NDUFS7: variants seen among roughly 807,000 people sequenced by gnomAD.
NDUFS7 encodes the protein NADH dehydrogenase [ubiquinone] iron-sulfur protein 7, mitochondrial.
In NDUFS7, 11 loss-of-function variants were observed where a neutral mutation model predicts 31.1. That is an observed-to-expected ratio of 0.35 (90% CI 0.22 to 0.59). The LOEUF (loss-of-function observed/expected upper bound fraction) is 0.59, where lower values mean the gene tolerates loss of function less well. Ranked by LOEUF, NDUFS7 falls within the 20% of genes least tolerant of loss-of-function variation. The pLI, the probability that NDUFS7 is intolerant of heterozygous loss-of-function variation, is 0.79. For synonymous variants in NDUFS7, 136 were observed against 127.9 expected, an observed-to-expected ratio of 1.06 and a Z score of -0.43; for missense variants, 263 against 324.2, an observed-to-expected ratio of 0.81 and a Z score of 1.45.
intron 4 of NDUFS7, chr19:1,389,213 AC>A (rs1405862114): frequency 1.5e-6 from 1 of 680,986 alleles, no homozygotes; most frequent in Non-Finnish European, 2.7e-6. Context: ...ACGCTTGCAC[AC>A]ATACACACAT....
At chr19:1,389,368 T>C (rs904753336) in intron 4 of NDUFS7, 5 of 466,842 alleles carry the variant, frequency 1.1e-5, no homozygotes, top group African/African-American at 7.9e-5. Flanking sequence ...CACATGCATG[T>C]GTGCCTGTTG....
At chr19:1,394,554 G>A (rs2530165) in intron 7 of NDUFS7, 1 of 1,213,480 alleles carries the variant, frequency 8.2e-7, no homozygotes, top group Non-Finnish European at 1.0e-6. Flanking sequence ...TCCCTCCCTG[G>A]GGACCGCGCT....
chr19:1,394,964 G>C, intron 7 of NDUFS7: 1 of 1,117,618 alleles, frequency 8.9e-7, no homozygotes, highest in Non-Finnish European at 1.1e-6. Flanking sequence ...GGGATGCCCG[G>C]GCTCTGGGCC....
At position 1,393,543 on chromosome 19, in the gene NDUFS7, G is replaced by T; in HGVS notation, c.544+213G>T. 1 of 666,050 alleles carries T rather than the reference G, an allele frequency of 1.5e-6. No individual in the cohort carries two copies. Among genetic ancestry groups the T allele is most frequent in the Non-Finnish European group, 2.8e-6 (1 of 363,528 alleles). The allele number at this position is 666,050 out of a possible 1,614,324, so 41.3% of individuals were successfully genotyped here. A position where few individuals can be genotyped will look rare whatever the true frequency, so the allele number is the denominator to read the frequency against. On this transcript the variant is annotated intron_variant, in intron 7 of 7. Transcript: ENST00000233627. This position sits in a 1 kb window ranked among gnomAD's most constrained non-coding sequence, Gnocchi z 7.3. ...TCAGGCATCAGAGGGATCAGAGGGA[G>T]CAGGGGAAGCTGAGTGGAATTCCTG...
At position 1,393,197 on chromosome 19, in the gene NDUFS7, C is replaced by T. The variant is rs1475205127; in HGVS notation, c.456-45C>T. On this transcript the variant is annotated intron_variant, in intron 6 of 7. Transcript: ENST00000233627. This position sits in a 1 kb window ranked among gnomAD's most constrained non-coding sequence, Gnocchi z 7.3. ...CGAGGCCTCGTGGAGGGAGGGTGGG[C>T]AGGCGGGTCTTCGGCACACTCCCCT... is the stretch of plus-strand genomic sequence containing the variant. 5.4e-6 allele frequency: 8 copies of T among 1,482,340 alleles called. No homozygotes were observed. Among genetic ancestry groups the T allele is most frequent in the Non-Finnish European group, 7.3e-6 (8 of 1,091,024 alleles). The allele number at this position is 1,482,340 out of a possible 1,614,324, so 91.8% of individuals were successfully genotyped here. A position where few individuals can be genotyped will look rare whatever the true frequency, so the allele number is the denominator to read the frequency against.
rs2082492332 is a variant in NDUFS7 at position 1,384,133 on chromosome 19, T to G, written c.16+191T>G. On this transcript the variant is annotated intron_variant, in intron 1 of 7. Coordinates refer to ENST00000233627, the MANE Select transcript of NDUFS7 (RefSeq NM_024407.5). ...ACGGTCGCCGTTATTGCGTCCAGAG[T>G]ACAGTCGGGGAAACCGAGGCCCGGT... 8.0e-6 allele frequency: 5 copies of G among 628,342 alleles called. 1 individual carries two copies. In the South Asian group the frequency reaches 1.2e-4, roughly 15 times the overall value. The allele number at this position is 628,342 out of a possible 1,614,324, so 38.9% of individuals were successfully genotyped here. A position where few individuals can be genotyped will look rare whatever the true frequency, so the allele number is the denominator to read the frequency against.
At chr19:1,385,241 G>A (rs564814554) in intron 1 of NDUFS7, among the ~76,000 whole-genome samples, 2 of 152,328 alleles carry the variant, frequency 1.3e-5, no homozygotes, top group South Asian at 2.1e-4. Context: ...TGGCCCACGC[G>A]CGGTGGCTCA....
chr19:1,388,448 C>G (rs1007541897), intron 2 of NDUFS7, 77 bp from the exon 3 acceptor site: 1 of 1,330,870 alleles, frequency 7.5e-7, no homozygotes, highest in Non-Finnish European at 1.1e-6. Flanking sequence ...AGGGGAGAGG[C>G]AGGACAACAG....
At position 1,395,461 on chromosome 19, in the gene NDUFS7, G is replaced by A. The variant is rs1428175603; in HGVS notation, c.615G>A (p.Arg205=). The A allele has an allele frequency of 6.3e-7, 1 of 1,596,476 alleles. No individual in the cohort carries two copies. The highest frequency in any genetic ancestry group is 8.5e-7 in the Non-Finnish European group (1 of 1,173,582). Residue 205 remains arginine, a synonymous_variant, in exon 8 of 8, where the codon CGG becomes CGA. Coordinates refer to ENST00000233627, the MANE Select transcript of NDUFS7 (RefSeq NM_024407.5). ...TGCAGAGGAAGATCAAGCGGGAGCG[G>A]AGGCTGCAGATCTGGTACCGCAGGT... ...LQLQRKIKRE[R]RLQIWYRR is the part of the protein sequence containing the mutation.
At chr19:1,386,837 A>G (rs2082510462) in intron 1 of NDUFS7, 1 of 152,226 alleles carries the variant, frequency 6.6e-6, no homozygotes, top group Non-Finnish European at 1.5e-5. Context: ...AAAAGCAGTC[A>G]CATTCTGAGG....
At chr19:1,384,126 TC>T in intron 1 of NDUFS7, 184 bp downstream of exon 1, 1 of 651,492 alleles carries the variant, frequency 1.5e-6, no homozygotes, top group Non-Finnish European at 2.4e-6. Flanking sequence ...CGTTATTGCG[TC>T]CAGAGTACAG....
At chr19:1,388,164 C>T (rs1385323936) in intron 2 of NDUFS7, 2 of 589,154 alleles carry the variant, frequency 3.4e-6, no homozygotes, top group Non-Finnish European at 6.1e-6. Context: ...GGCAGGCCTC[C>T]TGCAGACCCA....
Position 1,387,798 on chromosome 19 carries a change from G to C in NDUFS7, c.17-13G>C. 1.9e-6 allele frequency: 3 copies of C among 1,611,298 alleles called. No homozygotes were observed. Among genetic ancestry groups the C allele is most frequent in the South Asian group, 1.1e-5 (1 of 91,046 alleles). On this transcript the variant is annotated splice_polypyrimidine_tract_variant and intron_variant, in intron 1 of 7. Coordinates refer to ENST00000233627, the MANE Select transcript of NDUFS7 (RefSeq NM_024407.5). Reference sequence around the variant, plus strand: ...CGCAGCTCACTGTTCCCACCCCGTGGTCCTCTCTGCAGCTCCTGGCCTGCG... The same window carrying C: ...CGCAGCTCACTGTTCCCACCCCGTGCTCCTCTCTGCAGCTCCTGGCCTGCG...
chr19:1,394,187 T>A, intron 7 of NDUFS7: 1 of 381,170 alleles, frequency 2.6e-6, no homozygotes, highest in Admixed American at 3.7e-5. Context: ...GAACAGGCTC[T>A]GACTTTGGAT....
intron 1 of NDUFS7, 109 bp downstream of exon 1, chr19:1,384,051 C>G: frequency 8.1e-7 from 1 of 1,234,508 alleles, no homozygotes; most frequent in Middle Eastern, 2.8e-4. Context: ...GGCCGCGGTC[C>G]TCTCCGGGCT....
At chr19:1,387,626 C>G (rs905374602) in intron 1 of NDUFS7, 185 bp from the exon 2 acceptor site, 5 of 642,506 alleles carry the variant, frequency 7.8e-6, no homozygotes, top group African/African-American at 1.8e-5. Flanking sequence ...CATGCAGTCT[C>G]AAGCAGGGGA....
chr19:1,386,016 G>A (rs2082505231), intron 1 of NDUFS7, among the ~76,000 whole-genome samples: 1 of 152,226 alleles, frequency 6.6e-6, no homozygotes, highest in Admixed American at 6.5e-5. Context: ...GCTGTGCCCA[G>A]CCTCAGGCAT....
At position 1,388,953 on chromosome 19, in the gene NDUFS7, C is replaced by A; in HGVS notation, c.228+15C>A. 1 of 1,591,742 alleles carries A rather than the reference C, an allele frequency of 6.3e-7. No individual in the cohort carries two copies. Among genetic ancestry groups the A allele is most frequent in the Non-Finnish European group, 8.6e-7 (1 of 1,168,154 alleles). On this transcript the variant is annotated intron_variant, in intron 4 of 7. Coordinates refer to ENST00000233627, the MANE Select transcript of NDUFS7 (RefSeq NM_024407.5). ...GGGCCCGCCGGGTGAGTACTATGAGCTGTAGGCCCTCCTCGAGCGCCAGGG... is the reference window on the plus strand; with the variant it reads ...GGGCCCGCCGGGTGAGTACTATGAGATGTAGGCCCTCCTCGAGCGCCAGGG...
In NDUFS7 at chr19:1,393,376, C is replaced by T. The variant is rs1243430299; in HGVS notation, c.544+46C>T. On this transcript the variant is annotated intron_variant, in intron 7 of 7. Transcript: ENST00000233627. The surrounding 1 kb of genome is among the most constrained non-coding windows in gnomAD (Gnocchi z 7.3). ...CCCACGAGGGAGCTGGAGACAGGGCCAGCGCCACACGGAGCCCGGCGGCCC... is the reference window on the plus strand; with the variant it reads ...CCCACGAGGGAGCTGGAGACAGGGCTAGCGCCACACGGAGCCCGGCGGCCC... 3 of 1,497,652 alleles carry T rather than the reference C, an allele frequency of 2.0e-6. No homozygotes were observed. The highest frequency in any genetic ancestry group is 2.7e-6 in the Non-Finnish European group (3 of 1,104,686). 92.8% of individuals were successfully genotyped at this position (1,497,652 alleles called of 1,614,324 possible). A position where few individuals can be genotyped will look rare whatever the true frequency, so the allele number is the denominator to read the frequency against.
Sources: allele counts gnomAD v4.1 joint callset (sites outside exome capture counted in the v4.1 genomes callset), GRCh38; gene constraint gnomAD v4.1.1; non-coding constraint Gnocchi (gnomAD v3.1); transcripts MANE v1.5; gene names NCBI Gene and HGNC (gene_info 2026-07-23, HGNC 2026-07-21).